The following ATG2B variants were observed in gnomAD, a reference collection of about 807,000 sequenced individuals.
ATG2B encodes autophagy related 2B.
In ATG2B, 121 loss-of-function variants were observed where a neutral mutation model predicts 241.3. The ratio of observed to expected loss-of-function variants is 0.50; its 90% CI spans 0.43 to 0.58. The LOEUF (loss-of-function observed/expected upper bound fraction) is 0.58, where lower values mean the gene tolerates loss of function less well. ATG2B is among the 20% of genes least tolerant of loss of function. The pLI is 0.00. For missense variants in ATG2B, 2,306 were observed against 2,491.6 expected, an observed-to-expected ratio of 0.93 and a Z score of 1.59; for synonymous variants, 858 against 876.6, an observed-to-expected ratio of 0.98 and a Z score of 0.37.
Position 96,325,656 on chromosome 14 carries a change from T to G in ATG2B, c.2430A>C (p.Glu810Asp). 6.2e-7 allele frequency: 1 copy of G among 1,611,236 alleles called. No individual in the cohort carries two copies. Among genetic ancestry groups the G allele is most frequent in the Non-Finnish European group, 8.5e-7 (1 of 1,178,930 alleles). ...AGGCACATTCAATCTTACCAATTAG[T>G]TCTCTAAAGGTAAGTTCCAATTTAA... ...EQIKLELTFR[E>D]LIGSFQEEKG... The change falls in exon 15 of 42, where the codon GAA (glutamate) becomes GAC (aspartate). Residue 810 changes from glutamate to aspartate, a missense_variant. Glu to Asp is a conservative substitution (Grantham distance 45, BLOSUM62 2). Coordinates refer to ENST00000359933, the MANE Select transcript of ATG2B (RefSeq NM_018036.7).
chr14:96,356,594 A>C (rs1888482104), intron 1 of ATG2B, among the ~76,000 whole-genome samples: 1 of 152,140 alleles, frequency 6.6e-6, no homozygotes, highest in South Asian at 2.1e-4. Flanking sequence ...GTCAAGGATC[A>C]CATGTATCAG....
intron 5 of ATG2B, among the ~76,000 whole-genome samples, chr14:96,342,732 A>C (rs943987873): frequency 5.9e-5 from 9 of 151,792 alleles, no homozygotes; most frequent in African/African-American, 9.7e-5. Context: ...AAAAAAAAAA[A>C]ACAAACATAA....
chr14:96,354,004 A>G (rs1247991803), intron 1 of ATG2B, among the ~76,000 whole-genome samples: 1 of 152,208 alleles, frequency 6.6e-6, no homozygotes, highest in African/African-American at 2.4e-5. Context: ...TAAACAAGTT[A>G]TTCTCTACAA....
At chr14:96,345,151 G>T in intron 3 of ATG2B, 82 bp downstream of exon 3, 3 of 1,028,864 alleles carry the variant, frequency 2.9e-6, no homozygotes, top group Non-Finnish European at 1.4e-6. Context: ...CAATGGATTT[G>T]CCTTATACAA....
Position 96,325,459 on chromosome 14 carries a change from A to G in ATG2B, c.2437+190T>C, listed in dbSNP as rs565269398. ...ACAAAGTGAATGAATCATCATCCTTAGTTTTTAAAAAATTACCTATATCAC... is the reference window on the plus strand; with the variant it reads ...ACAAAGTGAATGAATCATCATCCTTGGTTTTTAAAAAATTACCTATATCAC... On this transcript the variant is annotated intron_variant, in intron 15 of 41. Transcript: ENST00000359933. Among the ~76,000 whole-genome samples the G allele has an allele frequency of 3.2e-4, 49 of 152,330 alleles. No individual in the cohort carries two copies. In the South Asian group the frequency reaches 8.7e-3, roughly 27 times the overall value.
At chr14:96,291,808 A>T in intron 37 of ATG2B, 126 bp from the exon 38 acceptor site, 1 of 685,522 alleles carries the variant, frequency 1.5e-6, no homozygotes. Context: ...AAATATTTAC[A>T]GTAAAAATAT....
rs1887157640 is a variant in ATG2B at position 96,311,581 on chromosome 14, T to A, written c.3951A>T (p.Leu1317Phe). Residue 1317 changes from leucine (L) to phenylalanine (F), a missense_variant, in exon 27 of 42, where the codon TTA (leucine) becomes TTT (phenylalanine). Physicochemically the swap from Leu to Phe is conservative, Grantham distance 22. Around this residue, in one of 2 missense-constraint regions of ATG2B, gnomAD observed 1,927 missense variants for 2,011.2 expected, o/e 0.96. Coordinates refer to ENST00000359933, the MANE Select transcript of ATG2B (RefSeq NM_018036.7). ...AATCAGACTTCACTGCAGTTATGGTTAACTCCAAAAGCCCCATATCCATCA... is the reference window on the plus strand; with the variant it reads ...AATCAGACTTCACTGCAGTTATGGTAAACTCCAAAAGCCCCATATCCATCA... ...VRVMDMGLLE[L>F]TITAVKSDSD... 1 of 1,610,116 alleles carries A rather than the reference T, an allele frequency of 6.2e-7. No homozygotes were observed. The highest frequency in any genetic ancestry group is 8.5e-7 in the Non-Finnish European group (1 of 1,177,550).
chr14:96,361,526 A>G (rs1888627335), intron 1 of ATG2B, among the ~76,000 whole-genome samples: 1 of 152,214 alleles, frequency 6.6e-6, no homozygotes, highest in Admixed American at 6.5e-5. Flanking sequence ...CTGTATCAAA[A>G]GTATAGAATC....
chr14:96,317,940 G>A (rs1419644499), intron 18 of ATG2B, 85 bp from the exon 19 acceptor site: 5 of 1,021,112 alleles, frequency 4.9e-6, no homozygotes, highest in Admixed American at 2.7e-5. Context: ...TTAAAAGATC[G>A]TATGAACAAT....
Position 96,317,775 on chromosome 14 carries a change from CCAATGCCATAG to C in ATG2B, c.2949_2959del (p.Tyr984AlafsTer9). On this transcript the variant is annotated frameshift_variant, in exon 19 of 42. Transcript: ENST00000359933. LOFTEE classifies it high-confidence loss of function. ...AATGAGCTGACTGGCTACTGAAAGC[CCAATGCCATAG>C]GAAATATTCTCGAATGTCTCCACTG... The C allele has an allele frequency of 6.2e-7, 1 of 1,612,930 alleles. No individual in the cohort carries two copies. Among genetic ancestry groups the C allele is most frequent in the Non-Finnish European group, 8.5e-7 (1 of 1,179,226 alleles).
chr14:96,304,723 A>G (rs1886888989), intron 31 of ATG2B, 120 bp from the exon 32 acceptor site: 1 of 703,232 alleles, frequency 1.4e-6, no homozygotes, highest in Admixed American at 2.8e-5. Flanking sequence ...GAGCTATCAG[A>G]ACGCTGCCAC....
rs1265986802 is a variant in ATG2B, at chr14:96,305,638, C to T, written c.4684G>A (p.Gly1562Arg). The T allele has an allele frequency of 1.9e-6, 3 of 1,614,062 alleles. No individual in the cohort carries two copies. The highest frequency in any genetic ancestry group is 1.3e-5 in the African/African-American group (1 of 75,032). Residue 1562 changes from glycine to arginine, a missense_variant, in exon 31 of 42, where the codon GGA becomes AGA. This residue lies in a region of ATG2B where 1,927 missense variants were observed against 2,011.2 expected (regional missense o/e 0.96). Coordinates refer to ENST00000359933, the MANE Select transcript of ATG2B (RefSeq NM_018036.7). ...GGAGGGACTATTCCAAAATCCTTTC[C>T]TCCATAAAGATGCCAGACAAGAGAG... Reference protein sequence around the residue: ...EVSLVWHLYGGKDFGIVPPTS... With the variant: ...EVSLVWHLYGRKDFGIVPPTS...
intron 15 of ATG2B, among the ~76,000 whole-genome samples, chr14:96,325,406 CA>C (rs1390438496): frequency 6.6e-6 from 1 of 152,172 alleles, no homozygotes; most frequent in Non-Finnish European, 1.5e-5. Flanking sequence ...TAAAGTACTA[CA>C]CTCTCCTGCA....
At chr14:96,345,475 C>G in intron 2 of ATG2B, 90 bp from the exon 3 acceptor site, 5 of 990,866 alleles carry the variant, frequency 5.0e-6, no homozygotes. Flanking sequence ...TAGACAAATT[C>G]TTAATCTTTT....
At chr14:96,353,828 C>T (rs1031543953) in intron 1 of ATG2B, among the ~76,000 whole-genome samples, 2 of 151,784 alleles carry the variant, frequency 1.3e-5, no homozygotes, top group African/African-American at 4.8e-5. Context: ...ATATAAATTA[C>T]AATGGAATCT....
At position 96,312,171 on chromosome 14, in the gene ATG2B, A is replaced by C. The variant is rs369492226; in HGVS notation, c.3843-12T>G. 148 of 1,591,802 alleles carry C rather than the reference A, an allele frequency of 9.3e-5. No individual in the cohort carries two copies. In the African/African-American group the frequency reaches 2.0e-3, roughly 21 times the overall value. ...CATCCAAGATTATTCTGAGGCAAGA[A>C]AGATAAAACCAACATCTGAAAAACT... On this transcript the variant is annotated splice_polypyrimidine_tract_variant and intron_variant, in intron 25 of 41. Coordinates refer to ENST00000359933, the MANE Select transcript of ATG2B (RefSeq NM_018036.7).
Position 96,343,187 on chromosome 14 carries a change from C to T in ATG2B, c.676G>A (p.Val226Met). ...FAHKLLQLSG[V>M]SLFWDEFSAS... ...GAAAACTCATCCCAGAAGAGAGACA[C>T]TCCAGAGAGCTGAAGTAACTTGTGA... The change falls in exon 5 of 42, where the codon GTG (valine) becomes ATG (methionine). Residue 226 changes from valine to methionine, a missense_variant. Val to Met is a conservative substitution (Grantham distance 21). Around this residue, in one of 2 missense-constraint regions of ATG2B, gnomAD observed 1,927 missense variants for 2,011.2 expected, o/e 0.96. Transcript: ENST00000359933. The T allele has an allele frequency of 6.2e-7, 1 of 1,609,004 alleles. No individual in the cohort carries two copies. Among genetic ancestry groups the T allele is most frequent in the Non-Finnish European group, 8.5e-7 (1 of 1,176,880 alleles).
Position 96,362,937 on chromosome 14 carries a change from A to T in ATG2B, c.40T>A (p.Cys14Ser). ...AGGTACCTCTGCAGGAGGTACCGGCAGGCCCTCTTCTTGATGGACTCCGAA... is the reference window on the plus strand; with the variant it reads ...AGGTACCTCTGCAGGAGGTACCGGCTGGCCCTCTTCTTGATGGACTCCGAA... The part of the protein sequence containing the change: ...PFSESIKKRA[C>S]RYLLQRYLGH... The change falls in exon 1 of 42, where the codon TGC (cysteine) becomes AGC (serine). Residue 14 changes from cysteine to serine, a missense_variant. Cys to Ser is a moderately radical substitution (Grantham distance 112, BLOSUM62 -1). Around this residue, in one of 2 missense-constraint regions of ATG2B, gnomAD observed 1,927 missense variants for 2,011.2 expected, o/e 0.96. Transcript: ENST00000359933. The T allele has an allele frequency of 6.2e-7, 1 of 1,613,606 alleles. No individual in the cohort carries two copies.
At chr14:96,333,443 TA>T (rs1887791258) in intron 8 of ATG2B, among the ~76,000 whole-genome samples, 1 of 152,160 alleles carries the variant, frequency 6.6e-6, no homozygotes, top group Non-Finnish European at 1.5e-5. Flanking sequence ...TTCCTTAGAC[TA>T]AATCATTTAG....
Sources: allele counts gnomAD v4.1 joint callset (sites outside exome capture counted in the v4.1 genomes callset), GRCh38; gene constraint gnomAD v4.1.1; regional missense constraint gnomAD v4.1.1; transcripts MANE v1.5; gene names NCBI Gene and HGNC (gene_info 2026-07-23, HGNC 2026-07-21).